Variants in CCDC126 observed in about 807,000 individuals in gnomAD.
The protein encoded by CCDC126 is coiled-coil domain containing 126, also known as coiled-coil domain-containing protein 126.
A neutral mutation model predicts 11.7 loss-of-function variants in CCDC126; 5 were observed. That is an observed-to-expected ratio of 0.43 (90% confidence interval 0.22 to 0.90). CCDC126 has a LOEUF of 0.90. Among genes scored for constraint, CCDC126 ranks in the 40% least tolerant of loss-of-function variants. CCDC126 has a pLI of 0.27. For synonymous variants in CCDC126, 60 were observed against 61.9 expected, an observed-to-expected ratio of 0.97 and a Z score of 0.14; for missense variants, 150 against 163.1, an observed-to-expected ratio of 0.92 and a Z score of 0.44.
intron 3 of CCDC126, among the ~76,000 whole-genome samples, chr7:23,627,852 A>G (rs946253326): frequency 6.6e-6 from 1 of 152,074 alleles, no homozygotes; most frequent in African/African-American, 2.4e-5. Flanking sequence ...CGGACTCCCA[A>G]AGTTCTGGGA....
At chr7:23,597,710 C>G (rs900992253) in intron 1 of CCDC126, 105 bp downstream of exon 1, 2 of 152,634 alleles carry the variant, frequency 1.3e-5, no homozygotes, top group African/African-American at 4.8e-5. Context: ...CCGGTCCCCG[C>G]CCCGCTAGGG....
intron 2 of CCDC126, among the ~76,000 whole-genome samples, chr7:23,608,079 A>G (rs1782650693): frequency 6.6e-6 from 1 of 152,234 alleles, no homozygotes; most frequent in Non-Finnish European, 1.5e-5. Context: ...TGCATGCACA[A>G]TTGAGCTTCA....
intron 2 of CCDC126, 102 bp downstream of exon 2, chr7:23,598,153 CCTGCCTTGGTGATCT>C (rs1782462173): frequency 6.6e-6 from 1 of 152,262 alleles, no homozygotes; most frequent in African/African-American, 2.4e-5. Context: ...TCTCTCACTG[CCTGCCTTGGTGATCT>C]TGGTTACTTA....
intron 3 of CCDC126, among the ~76,000 whole-genome samples, chr7:23,614,347 T>C (rs1782762705): frequency 2.0e-5 from 3 of 152,222 alleles, no homozygotes; most frequent in Admixed American, 2.0e-4. Flanking sequence ...TCCTCATCTG[T>C]TCAAGTCTTA....
chr7:23,609,758 A>G (rs1346341510), intron 2 of CCDC126, among the ~76,000 whole-genome samples: 1 of 152,172 alleles, frequency 6.6e-6, no homozygotes, highest in Non-Finnish European at 1.5e-5. Flanking sequence ...GCTACTCGGG[A>G]GGCTGAGGCC....
At chr7:23,616,368 G>A (rs1412347537) in intron 3 of CCDC126, among the ~76,000 whole-genome samples, 1 of 151,932 alleles carries the variant, frequency 6.6e-6, no homozygotes, top group Non-Finnish European at 1.5e-5. Flanking sequence ...CTATTATATT[G>A]GATCTCCTAT....
rs147694078 is a variant in CCDC126, at chr7:23,605,800, T to C, written c.-145-5371T>C. 3.3e-3 allele frequency among the ~76,000 whole-genome samples: 506 copies of C among 152,322 alleles called. 3 individuals carry two copies. The highest frequency in any genetic ancestry group is 0.012 in the African/African-American group (488 of 41,568). On this transcript the variant is annotated intron_variant, in intron 2 of 3. Coordinates refer to ENST00000307471, the MANE Select transcript of CCDC126 (RefSeq NM_138771.4). ...TGGCATACACATATCCCTTTGGGTT[T>C]CTGCTTTCATTTCTTTTGTGTATAT...
chr7:23,618,538 A>AT (rs5741645), intron 3 of CCDC126, among the ~76,000 whole-genome samples: 229 of 119,590 alleles, frequency 1.9e-3, no homozygotes, highest in African/African-American at 2.4e-3. Context: ...GATCAGCTAA[A>AT]TTTTTTTTTT....
At chr7:23,636,503 C>T (rs1471490712) in intron 3 of CCDC126, among the ~76,000 whole-genome samples, 1 of 143,070 alleles carries the variant, frequency 7.0e-6, no homozygotes, top group Non-Finnish European at 1.5e-5. Context: ...GGGAGCACCT[C>T]TGCCCCGCCG....
intron 2 of CCDC126, among the ~76,000 whole-genome samples, chr7:23,601,055 T>TAAA (rs578161504): frequency 1.6e-4 from 21 of 134,022 alleles, no homozygotes; most frequent in Non-Finnish European, 2.4e-4. Context: ...TATCAATAAT[T>TAAA]AAAAAAAAAA....
chr7:23,634,879 T>C (rs1211189242), intron 3 of CCDC126, among the ~76,000 whole-genome samples: 1 of 152,170 alleles, frequency 6.6e-6, no homozygotes, highest in African/African-American at 2.4e-5. Flanking sequence ...ACATTCTCCC[T>C]CTCTTCCACA....
At chr7:23,632,196 TGATTCTCCC>T (rs1734985545) in intron 3 of CCDC126, among the ~76,000 whole-genome samples, 1 of 151,222 alleles carries the variant, frequency 6.6e-6, no homozygotes, top group Non-Finnish European at 1.5e-5. Flanking sequence ...CAGGTTCAAG[TGATTCTCCC>T]ACCTCAGCCT....
chr7:23,628,561 C>T (rs1562496749), intron 3 of CCDC126, among the ~76,000 whole-genome samples: 3 of 152,188 alleles, frequency 2.0e-5, no homozygotes, highest in African/African-American at 2.4e-5. Flanking sequence ...AGACTTTTAT[C>T]CTTTCAAGGC....
In CCDC126 at chr7:23,634,902, A is replaced by G. The variant is rs1783180290; in HGVS notation, c.239-8029A>G. Reference sequence around the variant, plus strand: ...CCTCTCTTCCACAGTTAAAGGGATGATAGTAGCTTCCTGCTGTGCCTTATA... The same window carrying G: ...CCTCTCTTCCACAGTTAAAGGGATGGTAGTAGCTTCCTGCTGTGCCTTATA... On this transcript the variant is annotated intron_variant, in intron 3 of 3. Coordinates refer to ENST00000307471, the MANE Select transcript of CCDC126 (RefSeq NM_138771.4). Among the ~76,000 whole-genome samples the G allele has an allele frequency of 2.0e-5, 3 of 152,122 alleles. No homozygotes were observed. In the South Asian group the frequency reaches 6.2e-4, roughly 32 times the overall value.
At chr7:23,620,614 T>C (rs1197226845) in intron 3 of CCDC126, among the ~76,000 whole-genome samples, 1 of 151,766 alleles carries the variant, frequency 6.6e-6, no homozygotes, top group Non-Finnish European at 1.5e-5. Context: ...TGGCTTTTGT[T>C]GCCATTGCTT....
chr7:23,627,155 C>CT (rs1285905960), intron 3 of CCDC126, among the ~76,000 whole-genome samples: 1 of 152,208 alleles, frequency 6.6e-6, no homozygotes, highest in Non-Finnish European at 1.5e-5. Flanking sequence ...GGCTTTCCGA[C>CT]TGACCCTGCT....
chr7:23,622,488 T>G, intron 3 of CCDC126: 1 of 446,546 alleles, frequency 2.2e-6, no homozygotes, highest in Non-Finnish European at 4.5e-6. Flanking sequence ...TTTATCAACT[T>G]TTCCTTAAAA....
intron 3 of CCDC126, among the ~76,000 whole-genome samples, chr7:23,636,979 A>G (rs1404624028): frequency 1.8e-5 from 1 of 54,768 alleles, no homozygotes; most frequent in Non-Finnish European, 3.6e-5. Flanking sequence ...CCTACTGGGA[A>G]GTGAGGAGCC....
Position 23,643,141 on chromosome 7 carries a change from C to T in CCDC126, c.*26C>T. 1.3e-6 allele frequency: 2 copies of T among 1,598,708 alleles called. No individual in the cohort carries two copies. Among genetic ancestry groups the T allele is most frequent in the East Asian group, 2.2e-5 (1 of 44,598 alleles). On this transcript the variant is annotated 3_prime_UTR_variant, in exon 4 of 4. Transcript: ENST00000307471. ...CAGTTGAAAATCACCTTGTGCTGCT[C>T]CATCCACTGTGGATTATATCCTATG...
Sources: gnomAD v4.1 joint callset for allele counts (sites outside exome capture counted in the v4.1 genomes callset) on GRCh38, gnomAD v4.1.1 for gene constraint, MANE v1.5 for transcripts, NCBI Gene and HGNC (gene_info 2026-07-23, HGNC 2026-07-21) for gene names.